Variants in SAMD13 observed in about 807,000 individuals in gnomAD.
SAMD13 encodes the protein sterile alpha motif domain containing 13, also known as sterile alpha motif domain-containing protein 13.
A neutral mutation model predicts 12.4 loss-of-function variants in SAMD13; 9 were observed. The ratio of observed to expected loss-of-function variants is 0.72; its 90% CI spans 0.44 to 1.26. The LOEUF is 1.26. SAMD13 is among the 50% of genes most tolerant of loss of function. SAMD13 has a pLI of 0.00. For missense variants in SAMD13, 84 were observed against 119.6 expected (o/e 0.70, Z 1.39); for synonymous variants, 46 against 45.4 (o/e 1.01, Z -0.05).
At chr1:84,306,004 T>C (rs530296420) in intron 2 of SAMD13, among the ~76,000 whole-genome samples, 1 of 151,894 alleles carries the variant, frequency 6.6e-6, no homozygotes, top group South Asian at 2.1e-4. Context: ...TTCCACCAAA[T>C]TTTTTTTTGA....
intron 3 of SAMD13, 96 bp from the exon 4 acceptor site, chr1:84,349,535 A>G: frequency 6.6e-7 from 1 of 1,512,820 alleles, no homozygotes; most frequent in Non-Finnish European, 8.8e-7. Context: ...GCTTGGGCAC[A>G]AGTGGTGTGA....
intron 3 of SAMD13, among the ~76,000 whole-genome samples, chr1:84,334,514 G>A (rs1270328915): frequency 1.3e-5 from 2 of 151,942 alleles, no homozygotes; most frequent in African/African-American, 4.8e-5. Flanking sequence ...CCAACCCCTC[G>A]ATTTGTTCAT....
chr1:84,345,217 T>C, intron 3 of SAMD13: 1 of 456,216 alleles, frequency 2.2e-6, no homozygotes, highest in Non-Finnish European at 4.4e-6. Flanking sequence ...CTAGAAGATG[T>C]GAGGGGGAAG....
At chr1:84,329,141 A>T (rs1317672046) in intron 3 of SAMD13, among the ~76,000 whole-genome samples, 1 of 152,082 alleles carries the variant, frequency 6.6e-6, no homozygotes, top group East Asian at 1.9e-4. Flanking sequence ...CAATGCTCTT[A>T]TAAGAAGAGA....
At chr1:84,332,680 G>T (rs1227321169) in intron 3 of SAMD13, among the ~76,000 whole-genome samples, 1 of 152,166 alleles carries the variant, frequency 6.6e-6, no homozygotes, top group African/African-American at 2.4e-5. Context: ...TTTGTAGGTT[G>T]TTTGTTTGCC....
intron 3 of SAMD13, chr1:84,345,028 T>C: frequency 2.2e-6 from 1 of 456,720 alleles, no homozygotes; most frequent in Non-Finnish European, 4.4e-6. Flanking sequence ...TCCTCCATCT[T>C]TGATGTGGCT....
At chr1:84,339,886 G>A (rs986224401) in intron 3 of SAMD13, among the ~76,000 whole-genome samples, 1 of 152,210 alleles carries the variant, frequency 6.6e-6, no homozygotes, top group Non-Finnish European at 1.5e-5. Context: ...GAAATAAATT[G>A]AGGAAAGTTA....
intron 2 of SAMD13, among the ~76,000 whole-genome samples, chr1:84,311,268 A>C (rs1430615497): frequency 6.6e-6 from 1 of 151,108 alleles, no homozygotes; most frequent in Non-Finnish European, 1.5e-5. Context: ...CCCAGGAGGC[A>C]GAGGTTACAT....
intron 2 of SAMD13, chr1:84,304,385 T>C (rs1429667745): frequency 6.6e-6 from 1 of 152,170 alleles, no homozygotes; most frequent in Non-Finnish European, 1.5e-5. Context: ...TCTGTATTTG[T>C]GCTGTCTAAA....
intron 3 of SAMD13, 102 bp downstream of exon 3, chr1:84,325,850 G>C: frequency 1.4e-6 from 1 of 695,922 alleles, no homozygotes. Context: ...GAGGACCAAA[G>C]AGCAGGGAGG....
chr1:84,310,065 A>G (rs1678674754), intron 2 of SAMD13, among the ~76,000 whole-genome samples: 1 of 152,188 alleles, frequency 6.6e-6, no homozygotes, highest in African/African-American at 2.4e-5. Context: ...GTGCTGTCCA[A>G]CAGAAATAAA....
At chr1:84,307,255 T>C (rs1390063596) in intron 2 of SAMD13, among the ~76,000 whole-genome samples, 1 of 152,250 alleles carries the variant, frequency 6.6e-6, no homozygotes, top group Non-Finnish European at 1.5e-5. Flanking sequence ...GTTTCGTTTT[T>C]GATAGCTTCT....
intron 1 of SAMD13, 139 bp from the exon 2 acceptor site, chr1:84,303,064 G>A (rs899300916): frequency 9.6e-6 from 6 of 624,464 alleles, no homozygotes; most frequent in Admixed American, 5.6e-5. Flanking sequence ...TCCAATCGCC[G>A]AGGGAACTGG....
At chr1:84,314,664 A>C (rs889060023) in intron 2 of SAMD13, among the ~76,000 whole-genome samples, 4 of 152,124 alleles carry the variant, frequency 2.6e-5, no homozygotes, top group Non-Finnish European at 5.9e-5. Flanking sequence ...TCCCAAAAAA[A>C]CAGCAATGTG....
intron 2 of SAMD13, among the ~76,000 whole-genome samples, chr1:84,311,909 C>A (rs1336723428): frequency 6.6e-6 from 1 of 152,120 alleles, no homozygotes; most frequent in Non-Finnish European, 1.5e-5. Flanking sequence ...ATACCTCAGG[C>A]ATTGATTAGG....
intron 2 of SAMD13, among the ~76,000 whole-genome samples, chr1:84,316,337 A>C (rs1338382848): frequency 1.3e-5 from 2 of 152,112 alleles, no homozygotes; most frequent in Non-Finnish European, 2.9e-5. Flanking sequence ...TTTCTTCTAG[A>C]AATTTTACAG....
intron 2 of SAMD13, among the ~76,000 whole-genome samples, chr1:84,315,737 G>A (rs369293277): frequency 6.6e-6 from 1 of 152,120 alleles, no homozygotes; most frequent in African/African-American, 2.4e-5. Flanking sequence ...ATACTCTGAA[G>A]TGGGATTGCT....
chr1:84,340,666 TA>T (rs1181733944), intron 3 of SAMD13, among the ~76,000 whole-genome samples: 4 of 152,224 alleles, frequency 2.6e-5, no homozygotes, highest in Non-Finnish European at 4.4e-5. Context: ...TATTTTATTT[TA>T]AAAAATATTA....
chr1:84,311,995 G>A (rs1678725516), intron 2 of SAMD13, among the ~76,000 whole-genome samples: 1 of 152,082 alleles, frequency 6.6e-6, no homozygotes, highest in East Asian at 1.9e-4. Context: ...TTGGTCTTAG[G>A]TTTTGTTAGA....
Sources: gnomAD v4.1 joint callset for allele counts (sites outside exome capture counted in the v4.1 genomes callset) on GRCh38, gnomAD v4.1.1 for gene constraint, MANE v1.5 for transcripts, NCBI Gene and HGNC (gene_info 2026-07-23, HGNC 2026-07-21) for gene names.